The following PITPNA variants were observed in gnomAD, a reference collection of about 807,000 sequenced individuals.
PITPNA encodes the protein phosphatidylinositol transfer protein alpha isoform.
A neutral mutation model predicts 50.3 loss-of-function variants in PITPNA; 13 were observed. The observed-to-expected ratio is 0.26, with a 90% CI of 0.17 to 0.41. PITPNA has a LOEUF of 0.41. Ranked by LOEUF, PITPNA falls within the 10% of genes least tolerant of loss-of-function variation. The pLI, the probability that PITPNA is intolerant of heterozygous loss-of-function variation, is 1.00. For synonymous variants in PITPNA, 120 were observed against 119.6 expected (o/e 1.00, Z -0.02); for missense variants, 207 against 333.4 (o/e 0.62, Z 2.95).
intron 11 of PITPNA, among the ~76,000 whole-genome samples, chr17:1,520,949 T>C (rs572881757): frequency 6.6e-6 from 1 of 152,010 alleles, no homozygotes; most frequent in East Asian, 1.9e-4. Flanking sequence ...ACTCGGGTGG[T>C]GTACAGGGCA....
Position 1,526,604 on chromosome 17 carries a change from CTGAGAG to C in PITPNA, c.769-4965_769-4960del, listed in dbSNP as rs529672139. On this transcript the variant is annotated intron_variant, in intron 10 of 11. Coordinates refer to ENST00000313486, the MANE Select transcript of PITPNA (RefSeq NM_006224.4). ...CTTCTCAGCCGGCTCCTTACACATG[CTGAGAG>C]TTCACCACCTGGCTTCAGTTACTAA... is the stretch of plus-strand genomic sequence containing the variant. 3.7e-4 allele frequency among the ~76,000 whole-genome samples: 56 copies of C among 152,330 alleles called. 1 individual carries two copies. Among genetic ancestry groups the C allele is most frequent in the Admixed American group, 7.8e-4 (12 of 15,300 alleles).
chr17:1,543,707 C>G (rs774503331), intron 4 of PITPNA, among the ~76,000 whole-genome samples: 25 of 152,130 alleles, frequency 1.6e-4, no homozygotes, highest in Non-Finnish European at 3.1e-4. Context: ...AACTCCAGAA[C>G]TGAAGTTAAG....
At chr17:1,526,301 C>T (rs1057476256) in intron 10 of PITPNA, among the ~76,000 whole-genome samples, 2 of 152,152 alleles carry the variant, frequency 1.3e-5, no homozygotes, top group African/African-American at 2.4e-5. Flanking sequence ...GCCAAAATCG[C>T]GGAAGTTCAG....
At chr17:1,558,028 T>C (rs140605938) in intron 2 of PITPNA, among the ~76,000 whole-genome samples, 2,985 of 152,160 alleles carry the variant, frequency 0.02, 129 homozygotes, top group African/African-American at 0.068. Flanking sequence ...GTCGGGAGTT[T>C]GAGACCAGCC....
intron 7 of PITPNA, among the ~76,000 whole-genome samples, chr17:1,536,719 G>C (rs1366692319): frequency 1.4e-5 from 2 of 147,836 alleles, no homozygotes; most frequent in Admixed American, 1.3e-4. Flanking sequence ...TCAGCCTCCT[G>C]AGTAGCTGGC....
intron 10 of PITPNA, among the ~76,000 whole-genome samples, chr17:1,523,869 G>A (rs1482706236): frequency 6.6e-6 from 1 of 151,388 alleles, no homozygotes; most frequent in Non-Finnish European, 1.5e-5. Flanking sequence ...GTATTGCCCA[G>A]GCTAGTCTCG....
rs1344934132 is a variant in PITPNA at position 1,548,185 on chromosome 17, C to T, written c.289+111G>A. ...CACAGCACTGATACCCACCATCAGC[C>T]GGAAGGGACCCAGCCCGAGCCTTTC... is the stretch of plus-strand genomic sequence containing the variant. On this transcript the variant is annotated intron_variant, in intron 4 of 11. Coordinates refer to ENST00000313486, the MANE Select transcript of PITPNA (RefSeq NM_006224.4). 2.9e-5 allele frequency: 19 copies of T among 661,024 alleles called. 1 individual carries two copies. The highest frequency in any genetic ancestry group is 3.8e-4 in the Middle Eastern group (1 of 2,616). The allele number at this position is 661,024 out of a possible 1,614,324, so 40.9% of individuals were successfully genotyped here. A position where few individuals can be genotyped will look rare whatever the true frequency, so the allele number is the denominator to read the frequency against.
intron 4 of PITPNA, among the ~76,000 whole-genome samples, chr17:1,546,251 C>T (rs1457343237): frequency 6.6e-6 from 1 of 152,030 alleles, no homozygotes; most frequent in Non-Finnish European, 1.5e-5. Flanking sequence ...AACATCTGTG[C>T]ATCCCTCATT....
At chr17:1,558,968 C>T (rs1016007986) in intron 1 of PITPNA, among the ~76,000 whole-genome samples, 3 of 152,050 alleles carry the variant, frequency 2.0e-5, no homozygotes, top group African/African-American at 4.8e-5. Context: ...GCCAATGAGT[C>T]GTCCCCCCAA....
Position 1,548,400 on chromosome 17 carries a change from A to G in PITPNA, c.198-13T>C, listed in dbSNP as rs777374658. 17 of 1,563,444 alleles carry G rather than the reference A, an allele frequency of 1.1e-5. No homozygotes were observed. The highest frequency in any genetic ancestry group is 1.7e-4 in the Middle Eastern group (1 of 5,982). On this transcript the variant is annotated splice_polypyrimidine_tract_variant and intron_variant, in intron 3 of 11. Coordinates refer to ENST00000313486, the MANE Select transcript of PITPNA (RefSeq NM_006224.4). ...CGTGGGTACTTTGCTATAGCGGGGAAAAAAAGGGGTATAAAGAGAAATGGT... is the reference window on the plus strand; with the variant it reads ...CGTGGGTACTTTGCTATAGCGGGGAGAAAAAGGGGTATAAAGAGAAATGGT...
intron 10 of PITPNA, among the ~76,000 whole-genome samples, chr17:1,524,045 CTTT>C (rs71148495): frequency 3.6e-4 from 37 of 101,920 alleles, no homozygotes; most frequent in Non-Finnish European, 4.9e-4. Context: ...TTTCTTTTTT[CTTT>C]TTTTTTTTTT....
rs2083051240 is a variant in PITPNA at position 1,520,038 on chromosome 17, A to G, written c.*523T>C. On this transcript the variant is annotated 3_prime_UTR_variant, in exon 12 of 12. Transcript: ENST00000313486. Reference sequence around the variant, plus strand: ...GTCAGAGCTGCAAAACCACATTGCTATTTTGTGGAAGCGGTGCGGGGCAGG... The same window carrying G: ...GTCAGAGCTGCAAAACCACATTGCTGTTTTGTGGAAGCGGTGCGGGGCAGG... The G allele has an allele frequency of 6.6e-6, 1 of 152,224 alleles. No individual in the cohort carries two copies. Among genetic ancestry groups the G allele is most frequent in the Non-Finnish European group, 1.5e-5 (1 of 68,054 alleles). 9.4% of individuals were successfully genotyped at this position (152,224 alleles called of 1,614,324 possible).
rs749363380 is a variant in PITPNA, at chr17:1,553,047, C to A, written c.154G>T (p.Gly52Cys). 1.9e-6 allele frequency: 3 copies of A among 1,613,948 alleles called. No individual in the cohort carries two copies. Among genetic ancestry groups the A allele is most frequent in the Non-Finnish European group, 2.5e-6 (3 of 1,179,862 alleles). The change falls in exon 3 of 12, where the codon GGT becomes TGT. Residue 52 changes from glycine (G) to cysteine (C), a missense_variant. Gly to Cys is a radical substitution (Grantham distance 159). Coordinates refer to ENST00000313486, the MANE Select transcript of PITPNA (RefSeq NM_006224.4). ...VLVNEPYEKD[G>C]EKGQYTHKIY... Reference sequence around the variant, plus strand: ...TTGTGTGTGTACTGGCCTTTCTCACCGTCCTTCTCGTAGGGCTCATTCACC... The same window carrying A: ...TTGTGTGTGTACTGGCCTTTCTCACAGTCCTTCTCGTAGGGCTCATTCACC...
At position 1,534,117 on chromosome 17, in the gene PITPNA, C is replaced by T. The variant is rs978805183; in HGVS notation, c.750G>A (p.Thr250=). The T allele has an allele frequency of 4.3e-6, 7 of 1,613,812 alleles. No individual in the cohort carries two copies. In the African/African-American group the frequency reaches 5.3e-5, roughly 12 times the overall value. ...CACTTACTTCATCCAGCTGTCTCTT[C>T]GTCTCTTCTTCCATCCTTCGAATGT... ...MDDIRRMEEE[T]KRQLDEMRQK... The change falls in exon 10 of 12, where the codon ACG becomes ACA. Residue 250 remains threonine, a synonymous_variant. Transcript: ENST00000313486.
At chr17:1,544,883 G>GT (rs1229671052) in intron 4 of PITPNA, among the ~76,000 whole-genome samples, 24 of 152,312 alleles carry the variant, frequency 1.6e-4, no homozygotes, top group African/African-American at 5.3e-4. Context: ...AACACTGTCT[G>GT]TTGGGAGGCT....
At position 1,517,923 on chromosome 17, in the gene PITPNA, T is replaced by C. The variant is rs553257770; in HGVS notation, c.*2638A>G. The stretch of plus-strand genomic sequence containing the variant: ...AATCCTGCCCTGGTAAAATGGCGGT[T>C]ATCAGTGCAAGTTTGAGGATACATA... On this transcript the variant is annotated 3_prime_UTR_variant, in exon 12 of 12. Coordinates refer to ENST00000313486, the MANE Select transcript of PITPNA (RefSeq NM_006224.4). The C allele has an allele frequency of 2.0e-5, 3 of 152,738 alleles. No homozygotes were observed. The highest frequency in any genetic ancestry group is 6.5e-5 in the Admixed American group (1 of 15,296). The allele number at this position is 152,738 out of a possible 1,614,324, so 9.5% of individuals were successfully genotyped here. A position where few individuals can be genotyped will look rare whatever the true frequency, so the allele number is the denominator to read the frequency against.
intron 3 of PITPNA, among the ~76,000 whole-genome samples, chr17:1,550,070 T>C (rs1396478512): frequency 6.6e-6 from 1 of 152,170 alleles, no homozygotes; most frequent in East Asian, 1.9e-4. Flanking sequence ...AAGAGCAAAC[T>C]AGAGCAGAGA....
rs1394186860 is a variant in PITPNA at position 1,558,656 on chromosome 17, G to A, written c.21-97C>T. 1.8e-5 allele frequency: 15 copies of A among 848,406 alleles called. No individual in the cohort carries two copies. In the Admixed American group the frequency reaches 2.4e-4, roughly 14 times the overall value. The allele number at this position is 848,406 out of a possible 1,614,324, so 52.6% of individuals were successfully genotyped here. ...CTAAAACAGTCAGCAGCATTCTATT[G>A]TGTAAGACACTAAATTCAGTGACGA... On this transcript the variant is annotated intron_variant, in intron 1 of 11. Coordinates refer to ENST00000313486, the MANE Select transcript of PITPNA (RefSeq NM_006224.4).
rs549806411 is a variant in PITPNA, at chr17:1,536,744, C to T, written c.457-1226G>A. On this transcript the variant is annotated intron_variant, in intron 7 of 11. Transcript: ENST00000313486. ...GAGTAGCTGGCATTACAGGCGCCTG[C>T]GACCACGCCAGGGTAATTTTTGTAT... is the stretch of plus-strand genomic sequence containing the variant. Among the ~76,000 whole-genome samples the T allele has an allele frequency of 1.4e-4, 21 of 151,396 alleles. No individual in the cohort carries two copies. In the South Asian group the frequency reaches 2.1e-3, roughly 15 times the overall value.
Sources: allele counts gnomAD v4.1 joint callset (sites outside exome capture counted in the v4.1 genomes callset), GRCh38; gene constraint gnomAD v4.1.1; transcripts MANE v1.5; gene names NCBI Gene and HGNC (gene_info 2026-07-23, HGNC 2026-07-21).